The following VWA8 variants were observed in gnomAD, a reference collection of about 807,000 sequenced individuals.
VWA8 encodes the protein von Willebrand factor A domain containing 8, also known as von Willebrand factor A domain-containing protein 8.
Under a neutral mutation model 241.5 loss-of-function variants are expected in VWA8, and 221 were observed. That is an observed-to-expected ratio of 0.91 (90% CI 0.82 to 1.02). The LOEUF is 1.02. Ranked by LOEUF, VWA8 falls within the 50% of genes least tolerant of loss-of-function variation. The pLI is 0.00. For synonymous variants in VWA8, 852 were observed against 827.1 expected (o/e 1.03, Z -0.52); for missense variants, 2,322 against 2,328.7 (o/e 1.00, Z 0.06).
chr13:41,839,709 G>C (rs34940957), intron 12 of VWA8, among the ~76,000 whole-genome samples: 21,448 of 152,098 alleles, frequency 0.14, 1,630 homozygotes, highest in East Asian at 0.18. Context: ...TTGTACATGT[G>C]TGGTGTTACA....
At chr13:41,808,076 C>A (rs537806589) in intron 17 of VWA8, 8 of 152,188 alleles carry the variant, frequency 5.3e-5, no homozygotes, top group South Asian at 2.1e-4. Flanking sequence ...ATACTTATAT[C>A]AGACAAAATA....
At chr13:41,930,066 C>A (rs1194287704) in intron 2 of VWA8, among the ~76,000 whole-genome samples, 3 of 152,044 alleles carry the variant, frequency 2.0e-5, no homozygotes, top group Non-Finnish European at 4.4e-5. Flanking sequence ...TAAAAATGGG[C>A]AAAGGATTTG....
At position 41,689,329 on chromosome 13, in the gene VWA8, G is replaced by A. The variant is rs750126239; in HGVS notation, c.4131+25C>T. The A allele has an allele frequency of 1.6e-5, 25 of 1,597,612 alleles. No individual in the cohort carries two copies. In the East Asian group the frequency reaches 2.5e-4, roughly 16 times the overall value. On this transcript the variant is annotated intron_variant, in intron 34 of 44. Transcript: ENST00000379310. ...AACTAAGGGAAAGAAACATTTATCC[G>A]ATAATTTAAAAAATGGGTGCTTACC...
chr13:41,916,152 T>C (rs2138119222), intron 2 of VWA8, among the ~76,000 whole-genome samples: 1 of 152,374 alleles, frequency 6.6e-6, no homozygotes, highest in Admixed American at 6.5e-5. Flanking sequence ...ATGAGGATTA[T>C]ATTAAGCACT....
chr13:41,898,079 T>A (rs189610697), intron 4 of VWA8, among the ~76,000 whole-genome samples: 1 of 152,090 alleles, frequency 6.6e-6, no homozygotes. Context: ...AGAGTGTCGA[T>A]TGGTGCATTC....
chr13:41,874,290 T>C (rs1160482792), intron 9 of VWA8, among the ~76,000 whole-genome samples: 1 of 150,574 alleles, frequency 6.6e-6, no homozygotes, highest in Non-Finnish European at 1.5e-5. Flanking sequence ...AGGGATGCCC[T>C]CTCTCACCAC....
intron 14 of VWA8, 133 bp downstream of exon 14, chr13:41,830,396 G>T: frequency 3.0e-6 from 2 of 657,246 alleles, no homozygotes; most frequent in Non-Finnish European, 5.0e-6. Context: ...CAAAGTAGTG[G>T]CATATCCAGG....
intron 37 of VWA8, among the ~76,000 whole-genome samples, chr13:41,660,618 C>T (rs1239892870): frequency 6.6e-6 from 1 of 152,136 alleles, no homozygotes; most frequent in Non-Finnish European, 1.5e-5. Flanking sequence ...TACTACACAG[C>T]CTTAACGTTG....
chr13:41,936,368 TTC>T (rs762980050), intron 2 of VWA8, among the ~76,000 whole-genome samples: 5 of 152,220 alleles, frequency 3.3e-5, no homozygotes, highest in Non-Finnish European at 5.9e-5. Flanking sequence ...TTCATTTATT[TTC>T]TATTGGATCA....
At chr13:41,833,848 C>T (rs1871596823) in intron 12 of VWA8, among the ~76,000 whole-genome samples, 1 of 152,114 alleles carries the variant, frequency 6.6e-6, no homozygotes, top group Non-Finnish European at 1.5e-5. Flanking sequence ...ACCTGAATAA[C>T]AGAATTTAAC....
At position 41,811,348 on chromosome 13, in the gene VWA8, A is replaced by C; in HGVS notation, c.1948-8T>G. Reference sequence around the variant, plus strand: ...TGCCGCTAATGATTGTGCCTATCAAAAGACAAATACATTGTGTTAAGAGTC... The same window carrying C: ...TGCCGCTAATGATTGTGCCTATCAACAGACAAATACATTGTGTTAAGAGTC... On this transcript the variant is annotated splice_polypyrimidine_tract_variant and splice_region_variant and intron_variant, in intron 16 of 44. Coordinates refer to ENST00000379310, the MANE Select transcript of VWA8 (RefSeq NM_015058.2). 5 of 1,603,574 alleles carry C rather than the reference A, an allele frequency of 3.1e-6. No homozygotes were observed. The highest frequency in any genetic ancestry group is 4.3e-6 in the Non-Finnish European group (5 of 1,171,830).
At chr13:41,609,528 G>A (rs1465194925) in intron 39 of VWA8, among the ~76,000 whole-genome samples, 2 of 151,960 alleles carry the variant, frequency 1.3e-5, no homozygotes, top group African/African-American at 2.4e-5. Flanking sequence ...TTGGGGGGTC[G>A]GGTCCATCGC....
intron 38 of VWA8, among the ~76,000 whole-genome samples, chr13:41,612,785 A>G (rs1416971975): frequency 6.6e-6 from 1 of 152,200 alleles, no homozygotes; most frequent in Non-Finnish European, 1.5e-5. Context: ...AGAGTATATT[A>G]TGATATAGTT....
chr13:41,824,205 C>G (rs1871083831), intron 14 of VWA8, among the ~76,000 whole-genome samples: 2 of 152,230 alleles, frequency 1.3e-5, no homozygotes, highest in Non-Finnish European at 2.9e-5. Flanking sequence ...GAAGGAATAG[C>G]AGAAGTTTGC....
At chr13:41,602,781 T>G (rs570277335) in intron 40 of VWA8, among the ~76,000 whole-genome samples, 3 of 152,240 alleles carry the variant, frequency 2.0e-5, no homozygotes, top group Admixed American at 2.0e-4. Context: ...CTGCAGAGAA[T>G]GACAATAATG....
intron 13 of VWA8, among the ~76,000 whole-genome samples, chr13:41,833,064 C>T (rs1871540864): frequency 6.6e-6 from 1 of 152,122 alleles, no homozygotes; most frequent in African/African-American, 2.4e-5. Context: ...ATGTGACATG[C>T]TGCATATATA....
At chr13:41,636,377 T>C (rs1352907209) in intron 37 of VWA8, among the ~76,000 whole-genome samples, 8 of 152,164 alleles carry the variant, frequency 5.3e-5, no homozygotes, top group African/African-American at 1.9e-4. Context: ...TAGCCATATG[T>C]AGAAAGCTGA....
chr13:41,914,423 T>C (rs568147152), intron 2 of VWA8, among the ~76,000 whole-genome samples: 33 of 152,242 alleles, frequency 2.2e-4, no homozygotes, highest in Non-Finnish European at 4.3e-4. Context: ...TTTATAACTA[T>C]CACATGCCCT....
intron 34 of VWA8, among the ~76,000 whole-genome samples, chr13:41,685,510 G>T (rs1001547548): frequency 6.6e-6 from 1 of 152,026 alleles, no homozygotes; most frequent in African/African-American, 2.4e-5. Flanking sequence ...ACAAAAATCA[G>T]CCAGACATCG....
Sources: allele counts gnomAD v4.1 joint callset (sites outside exome capture counted in the v4.1 genomes callset), GRCh38; gene constraint gnomAD v4.1.1; transcripts MANE v1.5; gene names NCBI Gene and HGNC (gene_info 2026-07-23, HGNC 2026-07-21).